The following MAP2 variants were observed in gnomAD, a reference collection of about 807,000 sequenced individuals.
MAP2 encodes microtubule associated protein 2.
MAP2 carries 14 observed loss-of-function variants against 137.6 expected under a neutral mutation model. The observed-to-expected ratio is 0.10, with a 90% CI of 0.07 to 0.16. The LOEUF (loss-of-function observed/expected upper bound fraction) is 0.16, where lower values mean the gene tolerates loss of function less well. Ranked by LOEUF, MAP2 falls within the 10% of genes least tolerant of loss-of-function variation. The pLI is 1.00. For missense variants in MAP2, 2,088 were observed against 2,191.5 expected, an observed-to-expected ratio of 0.95 and a Z score of 0.94; for synonymous variants, 786 against 782.3, an observed-to-expected ratio of 1.00 and a Z score of -0.08.
chr2:209,675,501 G>A (rs1205750848), intron 5 of MAP2, among the ~76,000 whole-genome samples: 2 of 151,782 alleles, frequency 1.3e-5, no homozygotes, highest in Non-Finnish European at 2.9e-5. Flanking sequence ...CTGGAGACAG[G>A]TAATACTTCT....
intron 5 of MAP2, among the ~76,000 whole-genome samples, chr2:209,666,823 GA>G (rs2046528204): frequency 2.0e-5 from 3 of 151,274 alleles, no homozygotes; most frequent in Admixed American, 1.3e-4. Flanking sequence ...TTGATGTGAA[GA>G]AAAAAACTCC....
intron 2 of MAP2, among the ~76,000 whole-genome samples, chr2:209,517,471 T>C (rs2062677571): frequency 6.6e-6 from 1 of 152,126 alleles, no homozygotes; most frequent in Non-Finnish European, 1.5e-5. Flanking sequence ...TGAAACGTGA[T>C]GTGATTTGGT....
intron 2 of MAP2, among the ~76,000 whole-genome samples, chr2:209,518,827 G>T (rs2062883613): frequency 6.6e-6 from 1 of 151,964 alleles, no homozygotes; most frequent in Non-Finnish European, 1.5e-5. Flanking sequence ...CTGAACACAT[G>T]GGAACTAGAT....
intron 3 of MAP2, among the ~76,000 whole-genome samples, chr2:209,593,890 T>A (rs2080404754): frequency 1.9e-5 from 1 of 52,468 alleles, no homozygotes. Flanking sequence ...TATATTTATA[T>A]TATTAAAATA....
chr2:209,497,922 A>G (rs1251072553), intron 1 of MAP2, among the ~76,000 whole-genome samples: 1 of 152,192 alleles, frequency 6.6e-6, no homozygotes, highest in Non-Finnish European at 1.5e-5. Flanking sequence ...ATCATCCTGC[A>G]TCTGGTCCTT....
chr2:209,650,280 A>T (rs2094697992), intron 4 of MAP2, among the ~76,000 whole-genome samples: 1 of 152,198 alleles, frequency 6.6e-6, no homozygotes, highest in Admixed American at 6.5e-5. Context: ...TGTTAGAAAA[A>T]GTTTTGTGGC....
intron 2 of MAP2, among the ~76,000 whole-genome samples, chr2:209,528,735 T>C (rs1429381548): frequency 6.6e-6 from 1 of 151,220 alleles, no homozygotes; most frequent in East Asian, 1.9e-4. Context: ...TACATAAATA[T>C]ACATGTATAT....
intron 11 of MAP2, chr2:209,704,378 T>C: frequency 7.2e-7 from 1 of 1,380,108 alleles, no homozygotes; most frequent in Non-Finnish European, 9.9e-7. Context: ...ATGTTTATAC[T>C]TCTTTTTTAT....
intron 5 of MAP2, among the ~76,000 whole-genome samples, chr2:209,676,720 CATATATATATATATATATATATATATAT>C (rs56283066): frequency 0.12 from 8,728 of 71,896 alleles, 629 homozygotes; most frequent in Middle Eastern, 0.14. Flanking sequence ...ACACAAAGGT[CATATATATATATATATATATATATATAT>C]ATATATATAT....
intron 2 of MAP2, among the ~76,000 whole-genome samples, chr2:209,543,559 G>A (rs554688862): frequency 6.6e-6 from 1 of 152,326 alleles, no homozygotes; most frequent in East Asian, 1.9e-4. Context: ...TTGCAATGCT[G>A]TATAGTATTC....
chr2:209,431,392 T>C (rs1486601877), intron 1 of MAP2, among the ~76,000 whole-genome samples: 1 of 152,228 alleles, frequency 6.6e-6, no homozygotes, highest in Non-Finnish European at 1.5e-5. Context: ...TGCATTCTTT[T>C]TGTAATTAGT....
At chr2:209,658,788 T>A (rs2042077336) in intron 5 of MAP2, among the ~76,000 whole-genome samples, 1 of 152,118 alleles carries the variant, frequency 6.6e-6, no homozygotes, top group Non-Finnish European at 1.5e-5. Flanking sequence ...ATTACAGGCG[T>A]GAGCCACTGC....
At position 209,704,814 on chromosome 2, in the gene MAP2, A is replaced by G. The variant is rs188960260; in HGVS notation, c.4585-766A>G. ...AACAGTATACCTATTTTTTAAATGT[A>G]GAAAATATGTCTTTTTCTAGATATG... On this transcript the variant is annotated intron_variant, in intron 11 of 15. Transcript: ENST00000682079. Among the ~76,000 whole-genome samples, 10 of 152,146 alleles carry G rather than the reference A, an allele frequency of 6.6e-5. No homozygotes were observed. The East Asian group carries it at 1.9e-3, about 29-fold the overall frequency.
At position 209,601,915 on chromosome 2, in the gene MAP2, T is replaced by C. The variant is rs2083130501; in HGVS notation, c.-107+21815T>C. Among the ~76,000 whole-genome samples the C allele has an allele frequency of 1.3e-5, 2 of 152,214 alleles. 1 individual carries two copies. Among genetic ancestry groups the C allele is most frequent in the African/African-American group, 4.8e-5 (2 of 41,456 alleles). The stretch of plus-strand genomic sequence containing the variant: ...AAATTGCCAAAAAGACTCCACTTAA[T>C]GACATTTAAGAAAGGAGGCTGTTTA... On this transcript the variant is annotated intron_variant, in intron 3 of 15. Coordinates refer to ENST00000682079, the MANE Select transcript of MAP2 (RefSeq NM_001375505.1).
chr2:209,672,769 T>G (rs757735958), intron 5 of MAP2, among the ~76,000 whole-genome samples: 1 of 151,938 alleles, frequency 6.6e-6, no homozygotes, highest in Non-Finnish European at 1.5e-5. Context: ...GTGCCTACTG[T>G]AACAACTTGT....
At chr2:209,544,398 C>T (rs1018222109) in intron 2 of MAP2, among the ~76,000 whole-genome samples, 4 of 152,062 alleles carry the variant, frequency 2.6e-5, no homozygotes, top group African/African-American at 9.7e-5. Flanking sequence ...GGAATCTTCA[C>T]TTTGACTATG....
In MAP2 at chr2:209,701,581, A is replaced by G. The variant is rs191112542; in HGVS notation, c.4584+1243A>G. Among the ~76,000 whole-genome samples, 74 of 152,168 alleles carry G rather than the reference A, an allele frequency of 4.9e-4. 2 individuals carry two copies. Among genetic ancestry groups the G allele is most frequent in the African/African-American group, 1.7e-3 (71 of 41,556 alleles). On this transcript the variant is annotated intron_variant, in intron 11 of 15. Transcript: ENST00000682079. ...TCACAATTCTTAGCTTACCCTTCTA[A>G]AAAACCAATAAGATTTTAGACTTCC...
intron 10 of MAP2, 104 bp from the exon 11 acceptor site, chr2:209,700,173 G>A: frequency 1.2e-6 from 1 of 859,550 alleles, no homozygotes; most frequent in Non-Finnish European, 1.9e-6. Flanking sequence ...CTTTTGCTTT[G>A]CATTAGTCTG....
intron 1 of MAP2, among the ~76,000 whole-genome samples, chr2:209,437,675 A>G (rs745488689): frequency 2.8e-4 from 42 of 151,746 alleles, no homozygotes; most frequent in Non-Finnish European, 6.2e-4. Flanking sequence ...ACAAAAACTT[A>G]CTAATTAGCT....
Sources: gnomAD v4.1 joint callset for allele counts (sites outside exome capture counted in the v4.1 genomes callset) on GRCh38, gnomAD v4.1.1 for gene constraint, MANE v1.5 for transcripts, NCBI Gene and HGNC (gene_info 2026-07-23, HGNC 2026-07-21) for gene names.